Variants in REDIC1 observed in about 807,000 individuals in gnomAD.
REDIC1 encodes HEI10 Interacting Protein 1.
At chr12:39,696,552 A>T in the REDIC1 span, among the ~76,000 whole-genome samples, 1 of 123,882 alleles carries the variant, frequency 8.1e-6, no homozygotes, top group African/African-American at 3.2e-5. Flanking sequence ...CAAAAAAAAA[A>T]AAAAAAAAAA....
At chr12:39,785,389 C>G in the REDIC1 span, among the ~76,000 whole-genome samples, 27 of 152,300 alleles carry the variant, frequency 1.8e-4, no homozygotes, top group African/African-American at 6.5e-4. Context: ...CCTGTGGGTG[C>G]ACAGAAGTCA....
the REDIC1 span, among the ~76,000 whole-genome samples, chr12:39,889,195 A>G: frequency 6.6e-6 from 1 of 152,158 alleles, no homozygotes; most frequent in Non-Finnish European, 1.5e-5. Context: ...CAGATCATAT[A>G]TATCTGACAA....
chr12:39,630,412 GA>G, the REDIC1 span, among the ~76,000 whole-genome samples: 1 of 152,112 alleles, frequency 6.6e-6, no homozygotes, highest in Non-Finnish European at 1.5e-5. Flanking sequence ...AGTTCTGTTG[GA>G]ATTTAGGTGA....
chr12:39,801,222 T>G, the REDIC1 span, among the ~76,000 whole-genome samples: 2 of 92,056 alleles, frequency 2.2e-5, no homozygotes, highest in African/African-American at 6.9e-5. Context: ...AATGTGCACA[T>G]GTACCCTAAA....
chr12:39,821,859 C>T, the REDIC1 span, among the ~76,000 whole-genome samples: 2,226 of 152,086 alleles, frequency 0.015, 27 homozygotes, highest in Middle Eastern at 0.024. Flanking sequence ...ATAATACAAT[C>T]GATCACACGT....
the REDIC1 span, among the ~76,000 whole-genome samples, chr12:39,901,181 G>A: frequency 0.49 from 74,474 of 151,940 alleles, 18,479 homozygotes; most frequent in East Asian, 0.78. Context: ...CTTATACAAA[G>A]AAATTAATTC....
the REDIC1 span, chr12:39,721,877 A>G: frequency 1.3e-5 from 2 of 152,128 alleles, no homozygotes; most frequent in Non-Finnish European, 2.9e-5. Flanking sequence ...TTTTTATAAA[A>G]TAATTGTTTG....
the REDIC1 span, among the ~76,000 whole-genome samples, chr12:39,682,384 A>G: frequency 8.2e-4 from 125 of 152,274 alleles, no homozygotes; most frequent in Non-Finnish European, 8.7e-4. Flanking sequence ...ATGTTGTAAT[A>G]AAAAACTGGC....
chr12:39,694,369 ACGCCACCCTTC>A, the REDIC1 span, among the ~76,000 whole-genome samples: 13 of 152,162 alleles, frequency 8.5e-5, no homozygotes, highest in African/African-American at 3.1e-4. Context: ...TGAGTCACTG[ACGCCACCCTTC>A]CTCCATTCCC....
chr12:39,896,135 C>T, the REDIC1 span, among the ~76,000 whole-genome samples: 1 of 140,138 alleles, frequency 7.1e-6, no homozygotes, highest in South Asian at 2.2e-4. Context: ...TATGTATACA[C>T]GTGTACCTAT....
chr12:39,663,295 G>A, the REDIC1 span, among the ~76,000 whole-genome samples: 1 of 151,844 alleles, frequency 6.6e-6, no homozygotes, highest in Non-Finnish European at 1.5e-5. Context: ...CTCTAGTGTT[G>A]GGTGCATATA....
At chr12:39,734,100 T>C in the REDIC1 span, among the ~76,000 whole-genome samples, 3 of 152,326 alleles carry the variant, frequency 2.0e-5, no homozygotes, top group South Asian at 6.2e-4. Flanking sequence ...GTGTTGTATC[T>C]GGGCTGGAAT....
the REDIC1 span, among the ~76,000 whole-genome samples, chr12:39,833,442 T>C: frequency 6.6e-6 from 1 of 152,030 alleles, no homozygotes; most frequent in African/African-American, 2.4e-5. Flanking sequence ...TCTCACTCAC[T>C]CCATGGCTCT....
At chr12:39,790,789 C>T in the REDIC1 span, among the ~76,000 whole-genome samples, 3 of 58,588 alleles carry the variant, frequency 5.1e-5, no homozygotes, top group South Asian at 6.6e-4. Flanking sequence ...CCTGAGGAAT[C>T]GCCACACTGA....
the REDIC1 span, among the ~76,000 whole-genome samples, chr12:39,788,105 G>C: frequency 6.6e-6 from 1 of 152,000 alleles, no homozygotes; most frequent in Non-Finnish European, 1.5e-5. Context: ...TTACCTCTAG[G>C]AAACTTATGT....
the REDIC1 span, among the ~76,000 whole-genome samples, chr12:39,653,592 C>CTTCTTCTTTTTCT: frequency 6.6e-4 from 15 of 22,762 alleles, no homozygotes; most frequent in Non-Finnish European, 9.6e-4. Flanking sequence ...CTTCTTCTTC[C>CTTCTTCTTTTTCT]TCTTCTTCTT....
the REDIC1 span, among the ~76,000 whole-genome samples, chr12:39,889,791 A>G: frequency 2.0e-5 from 3 of 152,078 alleles, no homozygotes; most frequent in African/African-American, 7.2e-5. Context: ...TGGCCTCCCA[A>G]AGTGTTGGGA....
the REDIC1 span, among the ~76,000 whole-genome samples, chr12:39,773,454 A>T: frequency 6.6e-6 from 1 of 152,196 alleles, no homozygotes; most frequent in South Asian, 2.1e-4. Flanking sequence ...TTGAAGGTGG[A>T]ACAATGCTCC....
the REDIC1 span, among the ~76,000 whole-genome samples, chr12:39,713,320 G>T: frequency 1.4e-5 from 2 of 139,704 alleles, no homozygotes; most frequent in South Asian, 2.2e-4. Flanking sequence ...GTGTATATAT[G>T]TGTATACACA....
Sources: allele counts gnomAD v4.1 joint callset (sites outside exome capture counted in the v4.1 genomes callset), GRCh38; gene constraint gnomAD v4.1.1; transcripts MANE v1.5; gene names NCBI Gene and HGNC (gene_info 2026-07-23, HGNC 2026-07-21).